The following FSTL3 variants were observed in gnomAD, a reference collection of about 807,000 sequenced individuals.
FSTL3 encodes the protein follistatin-related protein 3.
Under a neutral mutation model 28.1 loss-of-function variants are expected in FSTL3, and 21 were observed. The observed-to-expected ratio is 0.75, with a 90% confidence interval of 0.53 to 1.08. The LOEUF (loss-of-function observed/expected upper bound fraction) is 1.08, where lower values mean the gene tolerates loss of function less well. Ranked by LOEUF, FSTL3 falls within the 50% of genes least tolerant of loss-of-function variation. The pLI, the probability that FSTL3 is intolerant of heterozygous loss-of-function variation, is 0.00. For synonymous variants in FSTL3, 199 were observed against 164.2 expected, an observed-to-expected ratio of 1.21 and a Z score of -1.62; for missense variants, 400 against 380.9, an observed-to-expected ratio of 1.05 and a Z score of -0.42.
At chr19:681,135 C>CA (rs1346861566) in intron 3 of FSTL3, among the ~76,000 whole-genome samples, 198 bp from the exon 4 acceptor site, 8 of 127,278 alleles carry the variant, frequency 6.3e-5, no homozygotes, top group Non-Finnish European at 3.2e-5. Context: ...CTCCTGGGTA[C>CA]AATGGGAAGG....
At chr19:680,009 C>A (rs1004510875) in intron 2 of FSTL3, 10 of 200,734 alleles carry the variant, frequency 5.0e-5, no homozygotes, top group Admixed American at 4.2e-4. Flanking sequence ...AGACCCCCCC[C>A]CGCCCCGGCC....
At position 682,234 on chromosome 19, in the gene FSTL3, G is replaced by GGTCTAGCCTGGGTGAGTACGGAGA. The variant is rs1568204102; in HGVS notation, c.*540_*541insAGTACGGAGAGTCTAGCCTGGGTG. ...GGGTCTAGCCTGGGTGAGTACGGAG[G>GGTCTAGCCTGGGTGAGTACGGAGA]GTCTAGCCTGGGTGTGTATGGAGGA... On this transcript the variant is annotated 3_prime_UTR_variant, in exon 5 of 5. Coordinates refer to ENST00000166139, the MANE Select transcript of FSTL3 (RefSeq NM_005860.3). 1.8e-4 allele frequency: 43 copies of GGTCTAGCCTGGGTGAGTACGGAGA among 236,146 alleles called. 3 individuals carry two copies. Among genetic ancestry groups the GGTCTAGCCTGGGTGAGTACGGAGA allele is most frequent in the Middle Eastern group, 1.2e-3 (1 of 830 alleles). The allele number at this position is 236,146 out of a possible 1,614,324, so 14.6% of individuals were successfully genotyped here. A position where few individuals can be genotyped will look rare whatever the true frequency, so the allele number is the denominator to read the frequency against.
chr19:676,925 G>C (rs967828324), intron 1 of FSTL3, among the ~76,000 whole-genome samples: 2 of 152,112 alleles, frequency 1.3e-5, no homozygotes, highest in Non-Finnish European at 2.9e-5. Context: ...GCTGGGTGTC[G>C]GGAGCCAGGC....
Position 676,508 on chromosome 19 carries a change from T to G in FSTL3, c.85T>G (p.Ser29Ala). 1.8e-6 allele frequency: 2 copies of G among 1,114,292 alleles called. No homozygotes were observed. The highest frequency in any genetic ancestry group is 2.2e-6 in the Non-Finnish European group (2 of 909,162). 69.0% of individuals were successfully genotyped at this position (1,114,292 alleles called of 1,614,324 possible). ...WAVGFVSSMGSGNPAPGGVCW... is the reference protein window; with the variant it reads ...WAVGFVSSMGAGNPAPGGVCW... Reference sequence around the variant, plus strand: ...CGTGGGCTTCGTGAGCTCCATGGGCTCGGGGAACCCCGCGCCCGGTGAGTG... The same window carrying G: ...CGTGGGCTTCGTGAGCTCCATGGGCGCGGGGAACCCCGCGCCCGGTGAGTG... The change falls in exon 1 of 5, where the codon TCG becomes GCG. Residue 29 changes from serine (S) to alanine (A), a missense_variant. Physicochemically the swap from Ser to Ala is moderately conservative, Grantham distance 99 (BLOSUM62 1). Transcript: ENST00000166139.
intron 2 of FSTL3, among the ~76,000 whole-genome samples, chr19:679,273 C>T (rs2031274976): frequency 6.6e-6 from 1 of 152,222 alleles, no homozygotes; most frequent in Non-Finnish European, 1.5e-5. Flanking sequence ...CCAGATGTGC[C>T]TGTGAGCCGC....
rs534115860 is a variant in FSTL3 at position 681,931 on chromosome 19, G to A, written c.*223G>A. On this transcript the variant is annotated 3_prime_UTR_variant, in exon 5 of 5. Transcript: ENST00000166139. ...GATAGACCTGCGTTCCGGACACTGA[G>A]CGCCTGATTTAGGGCCCTTCTCTAG... 3.4e-6 allele frequency: 2 copies of A among 593,974 alleles called. No homozygotes were observed. Among genetic ancestry groups the A allele is most frequent in the South Asian group, 4.0e-5 (2 of 50,186 alleles). 36.8% of individuals were successfully genotyped at this position (593,974 alleles called of 1,614,324 possible). A position where few individuals can be genotyped will look rare whatever the true frequency, so the allele number is the denominator to read the frequency against.
At chr19:681,112 G>C (rs56282601) in intron 3 of FSTL3, among the ~76,000 whole-genome samples, 4,014 of 146,720 alleles carry the variant, frequency 0.027, 209 homozygotes, top group African/African-American at 0.094. Flanking sequence ...AGGAGCTCAC[G>C]AAAGAGGTGT....
intron 1 of FSTL3, among the ~76,000 whole-genome samples, chr19:677,511 G>A (rs969121262): frequency 3.3e-5 from 5 of 151,580 alleles, no homozygotes; most frequent in African/African-American, 9.7e-5. Flanking sequence ...GCCAGCCCCT[G>A]GCCTGGGGGC....
intron 1 of FSTL3, among the ~76,000 whole-genome samples, chr19:677,007 C>T (rs74737930): frequency 0.017 from 2,625 of 152,178 alleles, 70 homozygotes; most frequent in African/African-American, 0.056. Context: ...CTGGGACTTG[C>T]CGGGAGGTGC....
intron 1 of FSTL3, 108 bp downstream of exon 1, chr19:676,634 G>T: frequency 3.2e-6 from 1 of 314,230 alleles, no homozygotes; most frequent in South Asian, 1.4e-4. Context: ...CGGGGGCGAG[G>T]GCGGTGTCCG....
chr19:679,663 A>C (rs1700091138), intron 2 of FSTL3, among the ~76,000 whole-genome samples: 1 of 152,102 alleles, frequency 6.6e-6, no homozygotes. Context: ...CCCCAGAGAG[A>C]GCTTCCCTAG....
chr19:677,811 G>A lies in FSTL3; in HGVS notation c.123G>A (p.Gln41=), dbSNP rs376007903. 16 of 1,610,352 alleles carry A rather than the reference G, an allele frequency of 9.9e-6. No homozygotes were observed. The African/African-American group carries it at 1.7e-4, about 17-fold the overall frequency. Residue 41 remains glutamine, a synonymous_variant, in exon 2 of 5, where the codon CAG becomes CAA. Transcript: ENST00000166139. The part of the protein sequence containing the change: ...NPAPGGVCWL[Q]QGQEATCSLV... ...CCGCAGGTGGTGTTTGCTGGCTCCA[G>A]CAGGGCCAGGAGGCCACCTGCAGCC...
intron 2 of FSTL3, chr19:680,005 C>A (rs536497295): frequency 4.9e-6 from 1 of 202,106 alleles, no homozygotes. Flanking sequence ...GCAGAGACCC[C>A]CCCCCGCCCC....
Position 676,488 on chromosome 19 carries a change from G to T in FSTL3, c.65G>T (p.Gly22Val). Residue 22 changes from glycine to valine, a missense_variant, in exon 1 of 5, where the codon GGC (glycine) becomes GTC (valine). Physicochemically the swap from Gly to Val is moderately radical, Grantham distance 109 (BLOSUM62 -3). Coordinates refer to ENST00000166139, the MANE Select transcript of FSTL3 (RefSeq NM_005860.3). ...TGGGGGGCCCTGGCTTGGGCCGTGG[G>T]CTTCGTGAGCTCCATGGGCTCGGGG... ...LPWGALAWAV[G>V]FVSSMGSGNP... is the part of the protein sequence containing the mutation. 1 of 1,195,204 alleles carries T rather than the reference G, an allele frequency of 8.4e-7. No individual in the cohort carries two copies. Among genetic ancestry groups the T allele is most frequent in the Non-Finnish European group, 1.0e-6 (1 of 962,532 alleles). 74.0% of individuals were successfully genotyped at this position (1,195,204 alleles called of 1,614,324 possible). A position where few individuals can be genotyped will look rare whatever the true frequency, so the allele number is the denominator to read the frequency against.
Position 681,638 on chromosome 19 carries a change from C to G in FSTL3, c.734-12C>G. On this transcript the variant is annotated splice_polypyrimidine_tract_variant and intron_variant, in intron 4 of 4. Transcript: ENST00000166139. ...TGCCCTGCGCCCTCAATGCTCTTAT[C>G]GACCCTTGCAGGCACCCCTGAGGAG... 6.3e-7 allele frequency: 1 copy of G among 1,584,852 alleles called. No individual in the cohort carries two copies. Among genetic ancestry groups the G allele is most frequent in the Non-Finnish European group, 8.6e-7 (1 of 1,165,788 alleles).
intron 2 of FSTL3, 107 bp from the exon 3 acceptor site, chr19:680,167 C>T: frequency 1.6e-6 from 1 of 615,108 alleles, no homozygotes. Context: ...GGCGCCCCCG[C>T]CTCCGCCCTG....
At chr19:680,776 T>TAAGG (rs2031316623) in intron 3 of FSTL3, 1 of 324,276 alleles carries the variant, frequency 3.1e-6, no homozygotes, top group Non-Finnish European at 5.6e-6. Context: ...GGGGCCTGAG[T>TAAGG]AAGGGCGTCT....
chr19:676,554 G>A (rs1392816630), intron 1 of FSTL3, 28 bp downstream of exon 1: 2 of 837,224 alleles, frequency 2.4e-6, no homozygotes, highest in Non-Finnish European at 3.1e-6. Context: ...AGGGGCGGGC[G>A]GGGCGGGCCA....
chr19:680,349 C>T lies in FSTL3; in HGVS notation c.365C>T (p.Ala122Val). ...MLGGRPRCEC[A>V]PDCSGLPARL... ...GGGGGCCGCCCGCGCTGCGAGTGCG[C>T]GCCCGACTGCTCGGGGCTCCCGGCG... Residue 122 changes from alanine to valine, a missense_variant, in exon 3 of 5, where the codon GCG (alanine) becomes GTG (valine). By Grantham distance (64) the Ala-to-Val change is moderately conservative (BLOSUM62 0). Coordinates refer to ENST00000166139, the MANE Select transcript of FSTL3 (RefSeq NM_005860.3). 16 of 1,282,104 alleles carry T rather than the reference C, an allele frequency of 1.2e-5. No homozygotes were observed. The highest frequency in any genetic ancestry group is 1.6e-5 in the Non-Finnish European group (16 of 1,017,850). 79.4% of individuals were successfully genotyped at this position (1,282,104 alleles called of 1,614,324 possible). A position where few individuals can be genotyped will look rare whatever the true frequency, so the allele number is the denominator to read the frequency against.
Sources: gnomAD v4.1 joint callset for allele counts (sites outside exome capture counted in the v4.1 genomes callset) on GRCh38, gnomAD v4.1.1 for gene constraint, MANE v1.5 for transcripts, NCBI Gene and HGNC (gene_info 2026-07-23, HGNC 2026-07-21) for gene names.